The following UNC80 variants were observed in gnomAD, a reference collection of about 807,000 sequenced individuals.
UNC80 encodes protein unc-80 homolog.
UNC80 carries 164 observed loss-of-function variants against 384.6 expected under a neutral mutation model. The ratio of observed to expected loss-of-function variants is 0.43; its 90% CI spans 0.38 to 0.49. The LOEUF is 0.49. Ranked by LOEUF, UNC80 falls within the 20% of genes least tolerant of loss-of-function variation. UNC80 has a pLI of 0.00. For synonymous variants in UNC80, 1,486 were observed against 1,527.8 expected (o/e 0.97, Z 0.64); for missense variants, 3,330 against 4,143.0 (o/e 0.80, Z 5.39).
chr2:209,955,916 G>T (rs373897833), intron 48 of UNC80, among the ~76,000 whole-genome samples: 1 of 151,218 alleles, frequency 6.6e-6, no homozygotes, highest in African/African-American at 2.4e-5. Context: ...GATAATTTTT[G>T]TATTTTCAGT....
In UNC80 at chr2:209,793,879, G is replaced by A. The variant is rs749784261; in HGVS notation, c.938+20G>A. 1 of 1,611,514 alleles carries A rather than the reference G, an allele frequency of 6.2e-7. No individual in the cohort carries two copies. Among genetic ancestry groups the A allele is most frequent in the Admixed American group, 1.7e-5 (1 of 59,814 alleles). On this transcript the variant is annotated intron_variant, in intron 7 of 64. Transcript: ENST00000673920. ...TTCCAGGTACCTGATTGCAATGTTAGGGACAAAATGTGTCACTGGTCACCA... is the reference window on the plus strand; with the variant it reads ...TTCCAGGTACCTGATTGCAATGTTAAGGACAAAATGTGTCACTGGTCACCA...
chr2:209,839,241 G>A lies in UNC80; in HGVS notation c.3061G>A (p.Ala1021Thr), dbSNP rs1320784284. 1 of 1,551,410 alleles carries A rather than the reference G, an allele frequency of 6.4e-7. No homozygotes were observed. The highest frequency in any genetic ancestry group is 8.7e-7 in the Non-Finnish European group (1 of 1,146,998). Residue 1021 changes from alanine (A) to threonine (T), a missense_variant, in exon 19 of 65, where the codon GCC becomes ACC. Coordinates refer to ENST00000673920, the MANE Select transcript of UNC80 (RefSeq NM_001371986.1). The surrounding 1 kb of genome is among the most constrained non-coding windows in gnomAD (Gnocchi z 4.1). ...TPEHDEQMQG[A>T]NLGRKDFWRK... ...CTACAGCGATGAACAAATGCAAGGA[G>A]CCAACTTGGGGCGGAAAGATTTCTG...
chr2:209,808,799 C>CGCTACTCAGCGA, intron 7 of UNC80: 2 of 339,288 alleles, frequency 5.9e-6, no homozygotes, highest in Non-Finnish European at 5.7e-6. Flanking sequence ...GTTGCCTCTG[C>CGCTACTCAGCGA]CACCATGCCG....
At chr2:209,869,204 T>A (rs2084088295) in intron 22 of UNC80, 1 of 152,214 alleles carries the variant, frequency 6.6e-6, no homozygotes, top group Admixed American at 6.5e-5. Flanking sequence ...CATCTTTTGC[T>A]GCTTCTTCAG....
chr2:209,922,391 C>G lies in UNC80; in HGVS notation c.5662+8C>G. 1.3e-6 allele frequency: 2 copies of G among 1,550,594 alleles called. No homozygotes were observed. Among genetic ancestry groups the G allele is most frequent in the Non-Finnish European group, 1.7e-6 (2 of 1,146,302 alleles). Reference sequence around the variant, plus strand: ...CAGCCGTCAGTGCTGAAGGTGTGTCCTCTTGCATACGTTTTATTTCTCCTG... The same window carrying G: ...CAGCCGTCAGTGCTGAAGGTGTGTCGTCTTGCATACGTTTTATTTCTCCTG... On this transcript the variant is annotated splice_region_variant and intron_variant, in intron 35 of 64. Coordinates refer to ENST00000673920, the MANE Select transcript of UNC80 (RefSeq NM_001371986.1).
At chr2:209,936,016 T>C (rs1483750771) in intron 40 of UNC80, among the ~76,000 whole-genome samples, 1 of 152,128 alleles carries the variant, frequency 6.6e-6, no homozygotes, top group East Asian at 1.9e-4. Flanking sequence ...TCAGTAAACT[T>C]TTAGTAATCT....
At chr2:209,895,562 T>G (rs1287628112) in intron 27 of UNC80, among the ~76,000 whole-genome samples, 2 of 152,204 alleles carry the variant, frequency 1.3e-5, no homozygotes, top group African/African-American at 2.4e-5. Context: ...CATCAGTTAA[T>G]TTGGGGAAAA....
intron 61 of UNC80, among the ~76,000 whole-genome samples, chr2:209,988,998 C>T (rs2093343202): frequency 6.6e-6 from 1 of 152,012 alleles, no homozygotes; most frequent in African/African-American, 2.4e-5. Flanking sequence ...TCAGTCATAT[C>T]TCATTCCCAA....
chr2:209,815,037 C>T (rs2079632433), intron 8 of UNC80, among the ~76,000 whole-genome samples: 1 of 151,894 alleles, frequency 6.6e-6, no homozygotes, highest in African/African-American at 2.4e-5. Flanking sequence ...TCTGGGGCTA[C>T]ATGACCTCAC....
intron 13 of UNC80, among the ~76,000 whole-genome samples, chr2:209,825,671 A>C (rs2080461567): frequency 6.6e-6 from 1 of 152,204 alleles, no homozygotes; most frequent in African/African-American, 2.4e-5. Flanking sequence ...GTCTATACTT[A>C]TATTCTCTAG....
At chr2:209,807,867 T>TA (rs2079006596) in intron 7 of UNC80, among the ~76,000 whole-genome samples, 1 of 152,250 alleles carries the variant, frequency 6.6e-6, no homozygotes, top group African/African-American at 2.4e-5. Context: ...TCAAATAAAC[T>TA]AGTGATTGGA....
At chr2:209,848,027 A>G (rs1288285579) in intron 21 of UNC80, among the ~76,000 whole-genome samples, 1 of 152,082 alleles carries the variant, frequency 6.6e-6, no homozygotes, top group African/African-American at 2.4e-5. Context: ...TATACTTTAT[A>G]TACTATTAAA....
chr2:209,895,797 C>T (rs1415139370), intron 27 of UNC80, among the ~76,000 whole-genome samples: 3 of 152,186 alleles, frequency 2.0e-5, no homozygotes, highest in East Asian at 1.9e-4. Flanking sequence ...CACAGTTGGA[C>T]ATAATTGCTT....
chr2:209,858,249 G>A (rs1045171283), intron 22 of UNC80, among the ~76,000 whole-genome samples: 7 of 152,088 alleles, frequency 4.6e-5, no homozygotes, highest in Admixed American at 1.3e-4. Flanking sequence ...CAAGTGGCAC[G>A]CTGATTTTTA....
chr2:209,808,529 A>G (rs181299374), intron 7 of UNC80, among the ~76,000 whole-genome samples: 1,634 of 151,258 alleles, frequency 0.011, 26 homozygotes, highest in African/African-American at 0.036. Context: ...GCCACTAAAA[A>G]AAAAAAAAAA....
chr2:209,987,126 C>T (rs917496639), intron 61 of UNC80, among the ~76,000 whole-genome samples: 1 of 152,164 alleles, frequency 6.6e-6, no homozygotes, highest in Admixed American at 6.5e-5. Context: ...TCTGCTGCTC[C>T]CATGCTCTTA....
intron 51 of UNC80, 84 bp downstream of exon 51, chr2:209,959,791 G>A: frequency 1.6e-6 from 2 of 1,280,320 alleles, no homozygotes; most frequent in South Asian, 1.5e-5. Context: ...GAGAGTGGGG[G>A]TTCTCCAGGA....
intron 34 of UNC80, among the ~76,000 whole-genome samples, 161 bp from the exon 35 acceptor site, chr2:209,922,091 T>A (rs999841602): frequency 2.6e-5 from 4 of 152,232 alleles, no homozygotes; most frequent in African/African-American, 9.6e-5. Flanking sequence ...CTTTCCTCTG[T>A]AGGGCTTTTT....
chr2:209,928,602 C>T (rs150839705), intron 36 of UNC80, among the ~76,000 whole-genome samples: 202 of 152,154 alleles, frequency 1.3e-3, no homozygotes, highest in African/African-American at 4.6e-3. Context: ...ATTTCAGTAC[C>T]TGTATACAAT....
Sources: allele counts gnomAD v4.1 joint callset (sites outside exome capture counted in the v4.1 genomes callset), GRCh38; gene constraint gnomAD v4.1.1; non-coding constraint Gnocchi (gnomAD v3.1); transcripts MANE v1.5; gene names NCBI Gene and HGNC (gene_info 2026-07-23, HGNC 2026-07-21).